Variants in GLIS3 observed in about 807,000 individuals in gnomAD.
GLIS3 encodes the protein GLIS family zinc finger 3.
A neutral mutation model predicts 78.6 loss-of-function variants in GLIS3; 53 were observed. The observed-to-expected ratio is 0.67, with a 90% CI of 0.54 to 0.85. The LOEUF (loss-of-function observed/expected upper bound fraction) is 0.85. Among genes scored for constraint, GLIS3 ranks in the 40% least tolerant of loss-of-function variants. The pLI, the probability that GLIS3 is intolerant of heterozygous loss-of-function variation, is 0.00. For missense variants in GLIS3, 1,703 were observed against 1,231.1 expected, an observed-to-expected ratio of 1.38 and a Z score of -5.74; for synonymous variants, 684 against 509.9, an observed-to-expected ratio of 1.34 and a Z score of -4.60.
chr9:4,311,895 T>TA, intron 2 of GLIS3, among the ~76,000 whole-genome samples: 1 of 152,268 alleles, frequency 6.6e-6, no homozygotes, highest in African/African-American at 2.4e-5. Flanking sequence ...AAAGATCCTT[T>TA]AAAAATCTAT....
At chr9:4,316,199 G>C (rs182607859) in intron 2 of GLIS3, among the ~76,000 whole-genome samples, 3 of 152,212 alleles carry the variant, frequency 2.0e-5, no homozygotes, top group East Asian at 1.9e-4. Flanking sequence ...AGAGAGGTTA[G>C]GATTCCTACA....
At chr9:4,468,997 T>A in the GLIS3 span, among the ~76,000 whole-genome samples, 5 of 152,004 alleles carry the variant, frequency 3.3e-5, no homozygotes, top group Non-Finnish European at 5.9e-5. Context: ...TAGTCTCTGA[T>A]AAAATAGACT....
At chr9:4,076,413 C>T (rs768519948) in intron 4 of GLIS3, among the ~76,000 whole-genome samples, 1 of 152,178 alleles carries the variant, frequency 6.6e-6, no homozygotes, top group Non-Finnish European at 1.5e-5. Flanking sequence ...GTGTTATCTC[C>T]TATGACCGAT....
Position 3,826,148 on chromosome 9 carries a change from T to C in GLIS3, c.*2124A>G, listed in dbSNP as rs1024420176. 3 of 152,242 alleles carry C rather than the reference T, an allele frequency of 2.0e-5. No homozygotes were observed. The East Asian group carries it at 5.8e-4, about 29-fold the overall frequency. The allele number at this position is 152,242 out of a possible 1,614,324, so 9.4% of individuals were successfully genotyped here. A position where few individuals can be genotyped will look rare whatever the true frequency, so the allele number is the denominator to read the frequency against. Reference sequence around the variant, plus strand: ...AAAAGGCAGGGCTGACAATGTCAACTGCAATAACAACCTTGCCTTTTCATC... The same window carrying C: ...AAAAGGCAGGGCTGACAATGTCAACCGCAATAACAACCTTGCCTTTTCATC... On this transcript the variant is annotated 3_prime_UTR_variant, in exon 11 of 11. Transcript: ENST00000381971.
chr9:4,394,296 T>C, the GLIS3 span, among the ~76,000 whole-genome samples: 1 of 149,748 alleles, frequency 6.7e-6, no homozygotes, highest in Non-Finnish European at 1.5e-5. Context: ...TTTAAAATTA[T>C]TTAAATTAAA....
At chr9:4,342,175 T>A (rs747944928) in intron 2 of GLIS3, among the ~76,000 whole-genome samples, 76 of 152,262 alleles carry the variant, frequency 5.0e-4, no homozygotes, top group Non-Finnish European at 9.6e-4. Context: ...AAGGCCTATG[T>A]CCAGAATGGC....
chr9:4,120,169 G>T (rs1323170733), intron 3 of GLIS3, among the ~76,000 whole-genome samples: 7 of 152,148 alleles, frequency 4.6e-5, no homozygotes, highest in Non-Finnish European at 8.8e-5. Context: ...TGAGGTAAAA[G>T]AAGCATTTTC....
chr9:3,906,955 A>G (rs535600583), intron 6 of GLIS3, among the ~76,000 whole-genome samples: 2 of 152,162 alleles, frequency 1.3e-5, no homozygotes, highest in African/African-American at 4.8e-5. Flanking sequence ...CTCCTAATGT[A>G]ACTCCTCCAA....
chr9:4,481,065 A>T, the GLIS3 span, among the ~76,000 whole-genome samples: 1 of 152,156 alleles, frequency 6.6e-6, no homozygotes, highest in African/African-American at 2.4e-5. Context: ...CATGTTGCTC[A>T]GTCTGGTCTC....
chr9:4,178,270 C>G (rs1344404915), intron 2 of GLIS3, among the ~76,000 whole-genome samples: 1 of 152,032 alleles, frequency 6.6e-6, no homozygotes, highest in South Asian at 2.1e-4. Flanking sequence ...ACAATTTACT[C>G]TGCCACCGTG....
At chr9:4,285,402 T>A (rs1016423045) in intron 2 of GLIS3, 4 of 152,164 alleles carry the variant, frequency 2.6e-5, no homozygotes, top group African/African-American at 9.7e-5. Context: ...ATACTTCAAA[T>A]TGACCAGGTT....
intron 4 of GLIS3, among the ~76,000 whole-genome samples, chr9:4,047,778 A>C (rs1252635499): frequency 6.6e-6 from 1 of 152,172 alleles, no homozygotes; most frequent in Non-Finnish European, 1.5e-5. Context: ...TGTTCTGGGA[A>C]AGACATGAAC....
chr9:4,356,359 A>G, the GLIS3 span, among the ~76,000 whole-genome samples: 1 of 152,182 alleles, frequency 6.6e-6, no homozygotes, highest in African/African-American at 2.4e-5. Context: ...AAAGAGCATG[A>G]TTGGTTTTCC....
chr9:4,054,458 C>G, intron 4 of GLIS3: 2 of 985,370 alleles, frequency 2.0e-6, no homozygotes, highest in African/African-American at 1.7e-5. Flanking sequence ...AGGATGTGCT[C>G]TGGAGTGAAT....
rs183703919 is a variant in GLIS3 at position 4,250,595 on chromosome 9, C to T, written c.388+35443G>A. On this transcript the variant is annotated intron_variant, in intron 2 of 10. Transcript: ENST00000381971. ...TATTCATTAATTTTTTGAAGTGTTT[C>T]TGTGTCTCTATCTCCTTCAGTTCTG... Among the ~76,000 whole-genome samples the T allele has an allele frequency of 1.6e-3, 243 of 152,028 alleles. 1 individual carries two copies. Among genetic ancestry groups the T allele is most frequent in the African/African-American group, 3.9e-3 (162 of 41,508 alleles).
intron 2 of GLIS3, among the ~76,000 whole-genome samples, chr9:4,201,231 T>C (rs1819362868): frequency 6.6e-6 from 1 of 152,178 alleles, no homozygotes; most frequent in Admixed American, 6.5e-5. Flanking sequence ...AATATCATAC[T>C]AAACAGACAA....
chr9:4,458,333 C>T, the GLIS3 span, among the ~76,000 whole-genome samples: 1 of 152,172 alleles, frequency 6.6e-6, no homozygotes, highest in East Asian at 1.9e-4. Flanking sequence ...GGTCTCCCCT[C>T]AAGGAGCTCT....
intron 2 of GLIS3, among the ~76,000 whole-genome samples, chr9:4,126,312 C>A (rs1389220590): frequency 6.6e-6 from 1 of 152,174 alleles, no homozygotes; most frequent in Non-Finnish European, 1.5e-5. Context: ...TCTTGAATCA[C>A]CCAGCAAGGA....
intron 4 of GLIS3, among the ~76,000 whole-genome samples, chr9:3,988,175 A>G (rs1488845052): frequency 1.3e-5 from 2 of 152,192 alleles, no homozygotes; most frequent in African/African-American, 4.8e-5. Context: ...TTATATTCAG[A>G]GAAACTATCC....
Sources: allele counts gnomAD v4.1 joint callset (sites outside exome capture counted in the v4.1 genomes callset), GRCh38; gene constraint gnomAD v4.1.1; transcripts MANE v1.5; gene names NCBI Gene and HGNC (gene_info 2026-07-23, HGNC 2026-07-21).